ASTN1: variants seen among roughly 807,000 people sequenced by gnomAD.
The protein encoded by ASTN1 is astrotactin 1, also known as astrotactin-1.
ASTN1 carries 41 observed loss-of-function variants against 140.7 expected under a neutral mutation model. That is an observed-to-expected ratio of 0.29 (90% CI 0.23 to 0.38). The LOEUF (loss-of-function observed/expected upper bound fraction) is 0.38, where lower values mean the gene tolerates loss of function less well. Ranked by LOEUF, ASTN1 falls within the 10% of genes least tolerant of loss-of-function variation. The probability of loss-of-function intolerance (pLI) is 1.00; values close to 1 mark genes in which losing one functional copy is unlikely to be tolerated. For synonymous variants in ASTN1, 640 were observed against 652.2 expected (o/e 0.98, Z 0.29); for missense variants, 1,479 against 1,678.8 (o/e 0.88, Z 2.08).
rs1490077960 is a variant in ASTN1 at position 176,949,236 on chromosome 1, A to G, written c.2003T>C (p.Met668Thr). The change falls in exon 12 of 23, where the codon ATG becomes ACG. Residue 668 changes from methionine to threonine, a missense_variant. Coordinates refer to ENST00000361833, the MANE Select transcript of ASTN1 (RefSeq NM_004319.3). ...GGCEQLCLQQ[M>T]APFPDDPTLY... The stretch of plus-strand genomic sequence containing the variant: ...GGTGGGGTCGTCCGGGAAGGGCGCC[A>G]TCTGCTGGAGGCACAGCTGCTCACA... 2.5e-6 allele frequency: 4 copies of G among 1,614,030 alleles called. No homozygotes were observed. Among genetic ancestry groups the G allele is most frequent in the Non-Finnish European group, 2.5e-6 (3 of 1,180,038 alleles).
chr1:176,929,582 A>G (rs12146087), intron 16 of ASTN1, among the ~76,000 whole-genome samples: 25,914 of 152,268 alleles, frequency 0.17, 2,959 homozygotes, highest in Middle Eastern at 0.25. Flanking sequence ...TAAGCCACCA[A>G]GTGTGTGGTA....
chr1:177,105,562 C>A (rs1680510272), intron 1 of ASTN1, among the ~76,000 whole-genome samples: 1 of 152,094 alleles, frequency 6.6e-6, no homozygotes, highest in Non-Finnish European at 1.5e-5. Context: ...TATTAAGACC[C>A]CTCTTTCCCA....
intron 1 of ASTN1, among the ~76,000 whole-genome samples, chr1:177,099,973 C>T (rs918327660): frequency 1.2e-4 from 19 of 152,286 alleles, no homozygotes; most frequent in African/African-American, 4.6e-4. Context: ...TCTTACACGT[C>T]AGGGAACCCA....
At chr1:176,922,018 A>T (rs533067561) in intron 16 of ASTN1, among the ~76,000 whole-genome samples, 8 of 152,330 alleles carry the variant, frequency 5.3e-5, no homozygotes, top group Non-Finnish European at 1.0e-4. Context: ...ATTGCAGAAG[A>T]TGGGGTAGGA....
rs560387438 is a variant in ASTN1 at position 177,162,413 on chromosome 1, T to C, written c.283+1981A>G. On this transcript the variant is annotated intron_variant, in intron 1 of 22. Transcript: ENST00000361833. ...TGGCCCTGAAGTGAGAGAGTGTGTC[T>C]GTGTGCCTGTGTGTAAATGCCAAGT... 5.9e-5 allele frequency among the ~76,000 whole-genome samples: 9 copies of C among 152,322 alleles called. No homozygotes were observed. The East Asian group carries it at 1.7e-3, about 29-fold the overall frequency.
At chr1:176,858,361 G>A (rs766429840), downstream of ASTN1, among the ~76,000 whole-genome samples, 1 of 152,198 alleles carries the variant, frequency 6.6e-6, no homozygotes, top group Non-Finnish European at 1.5e-5. Context: ...CTCACTTGAT[G>A]TGACAATAAA....
At chr1:177,073,007 T>C (rs76797299) in intron 1 of ASTN1, among the ~76,000 whole-genome samples, 3,021 of 152,168 alleles carry the variant, frequency 0.02, 41 homozygotes, top group Middle Eastern at 0.027. Context: ...CCCAAAGGAA[T>C]ATGGCTGTAG....
At chr1:176,881,221 G>C (rs529064764) in intron 20 of ASTN1, among the ~76,000 whole-genome samples, 2 of 152,230 alleles carry the variant, frequency 1.3e-5, no homozygotes, top group Admixed American at 1.3e-4. Context: ...CCCCTGCATT[G>C]GCTCCAACTT....
chr1:177,106,084 T>C (rs1291513551), intron 1 of ASTN1, among the ~76,000 whole-genome samples: 1 of 152,212 alleles, frequency 6.6e-6, no homozygotes, highest in Non-Finnish European at 1.5e-5. Flanking sequence ...AACTGGTGCA[T>C]ACCAGATTTG....
At chr1:176,961,980 A>G (rs1344967618) in intron 9 of ASTN1, among the ~76,000 whole-genome samples, 1 of 152,230 alleles carries the variant, frequency 6.6e-6, no homozygotes, top group East Asian at 1.9e-4. Flanking sequence ...CACTCACCAG[A>G]GAGTGCTCTC....
chr1:177,156,535 A>G lies in ASTN1; in HGVS notation c.283+7859T>C, dbSNP rs115331757. Among the ~76,000 whole-genome samples, 1,094 of 152,336 alleles carry G rather than the reference A, an allele frequency of 7.2e-3. 11 individuals carry two copies. The highest frequency in any genetic ancestry group is 0.023 in the African/African-American group (964 of 41,578). ...ATAAAGTAGTACTGAATTAAAACGCAAAGTATAAAATAAATATTCATGAGT... is the reference window on the plus strand; with the variant it reads ...ATAAAGTAGTACTGAATTAAAACGCGAAGTATAAAATAAATATTCATGAGT... On this transcript the variant is annotated intron_variant, in intron 1 of 22. Transcript: ENST00000361833.
At chr1:176,860,656 A>T (rs1323989676), downstream of ASTN1, among the ~76,000 whole-genome samples, 1 of 152,238 alleles carries the variant, frequency 6.6e-6, no homozygotes, top group Non-Finnish European at 1.5e-5. Flanking sequence ...AAATTTCAGC[A>T]GTTCTCATAG....
intron 20 of ASTN1, among the ~76,000 whole-genome samples, chr1:176,882,091 C>T (rs1223687634): frequency 6.6e-6 from 1 of 152,204 alleles, no homozygotes; most frequent in Non-Finnish European, 1.5e-5. Flanking sequence ...GCGTCACAAA[C>T]ATTTTACAAT....
chr1:176,969,579 T>A (rs974991380), intron 8 of ASTN1, among the ~76,000 whole-genome samples: 1 of 152,102 alleles, frequency 6.6e-6, no homozygotes, highest in African/African-American at 2.4e-5. Flanking sequence ...TTGCCTCAAT[T>A]AGAAGTGAGC....
At chr1:177,006,288 G>T (rs1269993836) in intron 8 of ASTN1, among the ~76,000 whole-genome samples, 2 of 152,022 alleles carry the variant, frequency 1.3e-5, no homozygotes, top group African/African-American at 2.4e-5. Context: ...TGAGGTGGGG[G>T]TTAGTAAAAA....
At chr1:177,057,380 C>A (rs1293335842) in intron 2 of ASTN1, among the ~76,000 whole-genome samples, 2 of 152,130 alleles carry the variant, frequency 1.3e-5, no homozygotes, top group African/African-American at 2.4e-5. Context: ...GTTTCTTTTA[C>A]TTCTCATTCT....
intron 4 of ASTN1, 96 bp from the exon 5 acceptor site, chr1:177,029,837 G>GA (rs1360912940): frequency 8.5e-7 from 1 of 1,169,886 alleles, no homozygotes; most frequent in Non-Finnish European, 1.2e-6. Flanking sequence ...CAACAAAAAT[G>GA]AAAGTAAGCT....
rs187396210 is a variant in ASTN1 at position 177,086,122 on chromosome 1, C to T, written c.284-24857G>A. Among the ~76,000 whole-genome samples the T allele has an allele frequency of 2.1e-3, 312 of 152,156 alleles. 1 individual carries two copies. Among genetic ancestry groups the T allele is most frequent in the Non-Finnish European group, 3.7e-3 (255 of 68,008 alleles). On this transcript the variant is annotated intron_variant, in intron 1 of 22. Transcript: ENST00000361833. ...TATGATCTGATCCAGGATTTCTCTG[C>T]GCTATTGGAATTGCTGGATGTCCTG... is the stretch of plus-strand genomic sequence containing the variant.
At chr1:177,160,819 C>T (rs190659733) in intron 1 of ASTN1, among the ~76,000 whole-genome samples, 1 of 152,150 alleles carries the variant, frequency 6.6e-6, no homozygotes, top group Non-Finnish European at 1.5e-5. Flanking sequence ...TATTTTGCAA[C>T]ACTTTTGAGG....
Sources: gnomAD v4.1 joint callset for allele counts (sites outside exome capture counted in the v4.1 genomes callset) on GRCh38, gnomAD v4.1.1 for gene constraint, MANE v1.5 for transcripts, NCBI Gene and HGNC (gene_info 2026-07-23, HGNC 2026-07-21) for gene names.